The following SETD1A variants were observed in gnomAD, a reference collection of about 807,000 sequenced individuals.
SETD1A encodes histone-lysine N-methyltransferase SETD1A.
Under a neutral mutation model 149.9 loss-of-function variants are expected in SETD1A, and 29 were observed. That is an observed-to-expected ratio of 0.19 (90% confidence interval 0.14 to 0.26). The LOEUF is 0.26. SETD1A is among the 10% of genes least tolerant of loss of function. The pLI, the probability that SETD1A is intolerant of heterozygous loss-of-function variation, is 1.00. For missense variants in SETD1A, 2,109 were observed against 2,353.1 expected (o/e 0.90, Z 2.15); for synonymous variants, 1,141 against 968.5 (o/e 1.18, Z -3.31).
At chr16:30,962,498 G>C (rs1054184314) in intron 4 of SETD1A, among the ~76,000 whole-genome samples, 1 of 152,232 alleles carries the variant, frequency 6.6e-6, no homozygotes, top group African/African-American at 2.4e-5. Flanking sequence ...GAACACAAGC[G>C]AGGTGGTCTG....
intron 13 of SETD1A, among the ~76,000 whole-genome samples, chr16:30,978,469 C>T (rs2056315242): frequency 6.6e-6 from 1 of 152,024 alleles, no homozygotes; most frequent in Admixed American, 6.6e-5. Flanking sequence ...GGGGAGGCAG[C>T]ACCCCCAGCT....
chr16:30,965,182 G>A lies in SETD1A; in HGVS notation c.1440G>A (p.Val480=), dbSNP rs201628923. Residue 480 remains valine (V), a synonymous_variant, in exon 7 of 19, where the codon GTG becomes GTA. Coordinates refer to ENST00000262519, the MANE Select transcript of SETD1A (RefSeq NM_014712.3). ...CCCCGGAGACCACCAATGAGAGTGTGCCCTTCGCCCAGCACAGCAGCCTGG... is the reference window on the plus strand; with the variant it reads ...CCCCGGAGACCACCAATGAGAGTGTACCCTTCGCCCAGCACAGCAGCCTGG... ...SPAPETTNES[V]PFAQHSSLDS... 3.9e-5 allele frequency: 63 copies of A among 1,613,998 alleles called. No homozygotes were observed. In the Admixed American group the frequency reaches 8.8e-4, roughly 23 times the overall value.
intron 5 of SETD1A, 99 bp from the exon 6 acceptor site, chr16:30,963,995 A>AG (rs2056093967): frequency 3.9e-6 from 4 of 1,029,134 alleles, no homozygotes; most frequent in Middle Eastern, 2.1e-4. Flanking sequence ...CCGTCTCAAA[A>AG]AAAAAAAAAG....
rs866797785 is a variant in SETD1A, at chr16:30,966,003, G to A, written c.2122G>A (p.Gly708Ser). 7.4e-5 allele frequency: 116 copies of A among 1,574,020 alleles called. No homozygotes were observed. The highest frequency in any genetic ancestry group is 9.5e-5 in the Non-Finnish European group (110 of 1,160,194). The change falls in exon 8 of 19, where the codon GGT becomes AGT. Residue 708 changes from glycine (G) to serine (S), a missense_variant. By Grantham distance (56) the Gly-to-Ser change is moderately conservative. Coordinates refer to ENST00000262519, the MANE Select transcript of SETD1A (RefSeq NM_014712.3). ...GATTGCCGCCTCAGCTGGCCCCCCCGGTGGGGCCTTTGGGGAGGCCTTCCT... is the reference window on the plus strand; with the variant it reads ...GATTGCCGCCTCAGCTGGCCCCCCCAGTGGGGCCTTTGGGGAGGCCTTCCT... ...GLIAASAGPP[G>S]GAFGEAFLPF...
chr16:30,965,488 C>T (rs1008318212), intron 7 of SETD1A, 27 bp downstream of exon 7: 1 of 1,583,284 alleles, frequency 6.3e-7, no homozygotes. Flanking sequence ...CCAGAGGAGG[C>T]ACCTGGGCTC....
At position 30,980,038 on chromosome 16, in the gene SETD1A, C is replaced by T. The variant is rs758628984; in HGVS notation, c.4252C>T (p.Arg1418Cys). ...PPPPPRAYEPRSEFEQMTILY... is the reference protein window; with the variant it reads ...PPPPPRAYEPCSEFEQMTILY... ...GCCACCGCCCCGCGCCTACGAGCCACGCAGTGAGTTTGAACAGATGACCAT... is the reference window on the plus strand; with the variant it reads ...GCCACCGCCCCGCGCCTACGAGCCATGCAGTGAGTTTGAACAGATGACCAT... The change falls in exon 14 of 19, where the codon CGC becomes TGC. Residue 1418 changes from arginine to cysteine, a missense_variant. By Grantham distance (180) the Arg-to-Cys change is radical. This residue lies in a region of SETD1A where 832 missense variants were observed against 815.6 expected (regional missense o/e 1.02). Coordinates refer to ENST00000262519, the MANE Select transcript of SETD1A (RefSeq NM_014712.3). This position sits in a 1 kb window ranked among gnomAD's most constrained non-coding sequence, Gnocchi z 7.7. 6.3e-7 allele frequency: 1 copy of T among 1,596,664 alleles called. No homozygotes were observed. The highest frequency in any genetic ancestry group is 1.1e-5 in the South Asian group (1 of 89,544).
In SETD1A at chr16:30,971,517, C is replaced by T. The variant is rs1567357815; in HGVS notation, c.3156C>T (p.Ser1052=). 1.9e-6 allele frequency: 3 copies of T among 1,613,902 alleles called. No homozygotes were observed. The highest frequency in any genetic ancestry group is 1.1e-5 in the South Asian group (1 of 91,074). ...SSSSSSSSSS[S]SSSSSSESSS... ...CCTCCTCCTCCTCGTCCTCATCCTC[C>T]TCGTCCTCTTCATCCTCTGAGTCCT... Residue 1052 remains serine (S), a synonymous_variant, in exon 13 of 19, where the codon TCC becomes TCT. Coordinates refer to ENST00000262519, the MANE Select transcript of SETD1A (RefSeq NM_014712.3).
intron 9 of SETD1A, 126 bp downstream of exon 9, chr16:30,967,186 C>T (rs1477390436): frequency 2.8e-6 from 2 of 722,312 alleles, no homozygotes; most frequent in Non-Finnish European, 4.4e-6. Context: ...TGGAGTCTTA[C>T]TCTGTTGCCC....
chr16:30,967,429 C>A, intron 9 of SETD1A, 72 bp from the exon 10 acceptor site: 1 of 1,396,662 alleles, frequency 7.2e-7, no homozygotes, highest in Non-Finnish European at 1.0e-6. Flanking sequence ...GCTGGGATTA[C>A]AGGAGTGAGC....
At chr16:30,960,117 C>CTTGGTCT (rs2056029516) in intron 3 of SETD1A, among the ~76,000 whole-genome samples, 1 of 152,108 alleles carries the variant, frequency 6.6e-6, no homozygotes, top group Non-Finnish European at 1.5e-5. Flanking sequence ...TTCTCATTGC[C>CTTGGTCT]ACTTAATGTA....
Position 30,965,134 on chromosome 16 carries a change from C to G in SETD1A, c.1392C>G (p.Ser464=). The change falls in exon 7 of 19, where the codon TCC becomes TCG. Residue 464 remains serine, a synonymous_variant. Coordinates refer to ENST00000262519, the MANE Select transcript of SETD1A (RefSeq NM_014712.3). ...TTCGGACTTCCCCCCGCCCAGCCTC[C>G]CCTGCCCGCTCTGGCTCCCCAGCCC... ...EEVRTSPRPA[S]PARSGSPAPE... is the part of the protein sequence containing the mutation. The G allele has an allele frequency of 6.2e-7, 1 of 1,612,896 alleles. No individual in the cohort carries two copies. The highest frequency in any genetic ancestry group is 8.5e-7 in the Non-Finnish European group (1 of 1,179,952).
At chr16:30,966,764 A>C (rs1356440437) in intron 8 of SETD1A, 120 bp from the exon 9 acceptor site, 1 of 1,186,252 alleles carries the variant, frequency 8.4e-7, no homozygotes, top group African/African-American at 1.5e-5. Flanking sequence ...GACAGGTGTG[A>C]CCAAGATATG....
In SETD1A at chr16:30,958,880, A is replaced by T. The variant is rs143594214; in HGVS notation, c.149A>T (p.Asn50Ile). Reference sequence around the variant, plus strand: ...TATGATGGAGTCCACTTCAGTGTCAACGTGAGTGCCCGGGTCTTTGGTTGC... The same window carrying T: ...TATGATGGAGTCCACTTCAGTGTCATCGTGAGTGCCCGGGTCTTTGGTTGC... ...YRYDGVHFSV[N>I]DSKYIPVEDL... is the part of the protein sequence containing the mutation. The change falls in exon 2 of 19, where the codon AAC becomes ATC. Residue 50 changes from asparagine (N) to isoleucine (I), a missense_variant and splice_region_variant. Physicochemically the swap from Asn to Ile is moderately radical, Grantham distance 149. Around this residue, in one of 8 missense-constraint regions of SETD1A, gnomAD observed 75 missense variants for 95.3 expected, o/e 0.79. Transcript: ENST00000262519. 24 of 1,613,978 alleles carry T rather than the reference A, an allele frequency of 1.5e-5. No homozygotes were observed. The Admixed American group carries it at 3.8e-4, about 26-fold the overall frequency.
At chr16:30,959,817 A>G (rs1013863616) in intron 3 of SETD1A, among the ~76,000 whole-genome samples, 3 of 150,744 alleles carry the variant, frequency 2.0e-5, no homozygotes, top group Non-Finnish European at 4.4e-5. Flanking sequence ...AGCTTCAACT[A>G]TTACCTAAAT....
rs775350343 is a variant in SETD1A, at chr16:30,979,399, C to T, written c.3613C>T (p.Arg1205Trp). The change falls in exon 14 of 19, where the codon CGG (arginine) becomes TGG (tryptophan). Residue 1205 changes from arginine to tryptophan, a missense_variant. By Grantham distance (101) the Arg-to-Trp change is moderately radical. This residue lies in a region of SETD1A where 832 missense variants were observed against 815.6 expected (regional missense o/e 1.02). Coordinates refer to ENST00000262519, the MANE Select transcript of SETD1A (RefSeq NM_014712.3). ...CCGCAAGGCTCCCCGGGGCGTGGAG[C>T]GGACCATCCGCAACCTGCCCCTGGA... ...ASRKAPRGVERTIRNLPLDHA... is the reference protein window; with the variant it reads ...ASRKAPRGVEWTIRNLPLDHA... The T allele has an allele frequency of 2.4e-5, 38 of 1,611,060 alleles. No homozygotes were observed. In the African/African-American group the frequency reaches 2.7e-4, roughly 11 times the overall value.
At position 30,966,965 on chromosome 16, in the gene SETD1A, C is replaced by T; in HGVS notation, c.2587C>T (p.Leu863Phe). ...TKLKEPGLLS[L>F]VDWAKSGGTT... ...GCTGAAGGAGCCTGGCCTGCTGTCC[C>T]TCGTGGACTGGGCCAAGAGCGGGGG... The change falls in exon 9 of 19, where the codon CTC (leucine) becomes TTC (phenylalanine). Residue 863 changes from leucine to phenylalanine, a missense_variant. Coordinates refer to ENST00000262519, the MANE Select transcript of SETD1A (RefSeq NM_014712.3). 4 of 1,587,796 alleles carry T rather than the reference C, an allele frequency of 2.5e-6. No individual in the cohort carries two copies. Among genetic ancestry groups the T allele is most frequent in the Non-Finnish European group, 3.4e-6 (4 of 1,167,626 alleles).
chr16:30,975,605 AT>A (rs141737362), intron 13 of SETD1A, among the ~76,000 whole-genome samples: 13,595 of 151,324 alleles, frequency 0.09, 1,849 homozygotes, highest in African/African-American at 0.3. Flanking sequence ...TAATTTTCGT[AT>A]TTTTAGTTGA....
At chr16:30,977,514 G>A (rs143746669) in intron 13 of SETD1A, among the ~76,000 whole-genome samples, 2 of 152,376 alleles carry the variant, frequency 1.3e-5, no homozygotes, top group East Asian at 3.9e-4. Context: ...GCAGAGGGAA[G>A]TGTGTGTGCA....
At position 30,967,521 on chromosome 16, in the gene SETD1A, G is replaced by A. The variant is rs375436760; in HGVS notation, c.2703G>A (p.Ser901=). 4.3e-5 allele frequency: 69 copies of A among 1,613,904 alleles called. 1 individual carries two copies. The South Asian group carries it at 5.3e-4, about 12-fold the overall frequency. Residue 901 remains serine (S), a synonymous_variant, in exon 10 of 19, where the codon TCG becomes TCA. Coordinates refer to ENST00000262519, the MANE Select transcript of SETD1A (RefSeq NM_014712.3). ...CCCAGGTAAAGCGGAAAGAGCCATC[G>A]GAAATTTCCGAGGCCAGTGAGGAAA... ...PSFKVKRKEP[S]EISEASEEKR... is the part of the protein sequence containing the mutation.
Sources: gnomAD v4.1 joint callset for allele counts (sites outside exome capture counted in the v4.1 genomes callset) on GRCh38, gnomAD v4.1.1 for gene constraint, gnomAD v4.1.1 regional missense constraint, Gnocchi (gnomAD v3.1) non-coding constraint, MANE v1.5 for transcripts, NCBI Gene and HGNC (gene_info 2026-07-23, HGNC 2026-07-21) for gene names.